SPAG16: variants seen among roughly 807,000 people sequenced by gnomAD.
SPAG16 encodes sperm-associated antigen 16 protein.
Under a neutral mutation model 80.4 loss-of-function variants are expected in SPAG16, and 86 were observed. The ratio of observed to expected loss-of-function variants is 1.07; its 90% CI spans 0.90 to 1.28. SPAG16 has a LOEUF of 1.28. Ranked by LOEUF, SPAG16 falls within the 50% of genes most tolerant of loss-of-function variation. The pLI is 0.00. For missense variants in SPAG16, 870 were observed against 765.3 expected (o/e 1.14, Z -1.61); for synonymous variants, 294 against 265.9 (o/e 1.11, Z -1.03).
At chr2:214,145,821 C>A (rs980977029) in intron 14 of SPAG16, among the ~76,000 whole-genome samples, 1 of 152,132 alleles carries the variant, frequency 6.6e-6, no homozygotes, top group African/African-American at 2.4e-5. Flanking sequence ...ATAGAGTCAA[C>A]GTTGATTACT....
At chr2:213,336,639 C>T (rs1022364127) in intron 5 of SPAG16, among the ~76,000 whole-genome samples, 2 of 152,140 alleles carry the variant, frequency 1.3e-5, no homozygotes, top group Non-Finnish European at 2.9e-5. Flanking sequence ...TAGACTGCTT[C>T]CTTAAGTAGA....
At chr2:213,683,137 A>G (rs990359368) in intron 10 of SPAG16, among the ~76,000 whole-genome samples, 6 of 152,214 alleles carry the variant, frequency 3.9e-5, no homozygotes, top group African/African-American at 1.2e-4. Flanking sequence ...TTTTCTAAGC[A>G]TATAAGTAAA....
chr2:213,688,377 A>G (rs559661775), intron 10 of SPAG16, among the ~76,000 whole-genome samples: 1 of 152,370 alleles, frequency 6.6e-6, no homozygotes, highest in South Asian at 2.1e-4. Context: ...AGCTATGTTA[A>G]TAGAGATTCT....
At chr2:213,493,540 A>G (rs1335196986) in intron 10 of SPAG16, among the ~76,000 whole-genome samples, 4 of 152,134 alleles carry the variant, frequency 2.6e-5, no homozygotes, top group Admixed American at 1.3e-4. Flanking sequence ...AGCCTAGAAC[A>G]TGTCTTTCAG....
intron 7 of SPAG16, among the ~76,000 whole-genome samples, chr2:213,352,400 G>T (rs1291916957): frequency 6.6e-6 from 1 of 152,004 alleles, no homozygotes; most frequent in Non-Finnish European, 1.5e-5. Flanking sequence ...GAGGTATTAG[G>T]AGCTAGATTC....
chr2:213,897,913 T>C (rs1050126652), intron 11 of SPAG16, among the ~76,000 whole-genome samples: 2 of 152,176 alleles, frequency 1.3e-5, no homozygotes, highest in Admixed American at 1.3e-4. Context: ...TTTCCTATCT[T>C]TGGGTTACTT....
chr2:213,297,163 T>C, intron 2 of SPAG16, 99 bp from the exon 3 acceptor site: 1 of 1,489,640 alleles, frequency 6.7e-7, no homozygotes, highest in South Asian at 1.2e-5. Context: ...AGTATTTCTT[T>C]GATCCTTTGA....
chr2:213,408,191 T>C (rs1414624527), intron 9 of SPAG16, among the ~76,000 whole-genome samples: 1 of 152,200 alleles, frequency 6.6e-6, no homozygotes, highest in Non-Finnish European at 1.5e-5. Flanking sequence ...TAATTGATAA[T>C]TGAAGGTCTT....
intron 12 of SPAG16, among the ~76,000 whole-genome samples, chr2:213,981,167 C>G (rs1008128206): frequency 6.6e-6 from 1 of 152,026 alleles, no homozygotes. Context: ...AGTGAGAGAG[C>G]CTTCGGGTTT....
At chr2:213,679,250 G>A (rs1214209904) in intron 10 of SPAG16, among the ~76,000 whole-genome samples, 1 of 152,152 alleles carries the variant, frequency 6.6e-6, no homozygotes, top group Non-Finnish European at 1.5e-5. Context: ...GCTTTGACTG[G>A]AAACCTGAGA....
chr2:213,447,407 G>T (rs533796391), intron 9 of SPAG16, among the ~76,000 whole-genome samples: 1 of 152,184 alleles, frequency 6.6e-6, no homozygotes, highest in African/African-American at 2.4e-5. Context: ...TTTTCTGTCT[G>T]TTATCCCCAG....
At chr2:213,844,118 G>T (rs1183150733) in intron 10 of SPAG16, among the ~76,000 whole-genome samples, 1 of 152,126 alleles carries the variant, frequency 6.6e-6, no homozygotes, top group Non-Finnish European at 1.5e-5. Context: ...ATTGTCAGAG[G>T]ACAGAGGGTT....
intron 7 of SPAG16, among the ~76,000 whole-genome samples, chr2:213,352,561 A>G (rs1316330087): frequency 6.6e-6 from 1 of 152,222 alleles, no homozygotes; most frequent in Non-Finnish European, 1.5e-5. Flanking sequence ...TTTAGTGGAA[A>G]GAGCTAAGAA....
intron 13 of SPAG16, among the ~76,000 whole-genome samples, chr2:214,077,707 A>G (rs1175811290): frequency 6.6e-6 from 1 of 152,228 alleles, no homozygotes; most frequent in Non-Finnish European, 1.5e-5. Context: ...TGCAGCTGCC[A>G]AAATATCCAG....
At chr2:213,821,022 T>TA (rs1256773007) in intron 10 of SPAG16, among the ~76,000 whole-genome samples, 1 of 152,136 alleles carries the variant, frequency 6.6e-6, no homozygotes, top group Non-Finnish European at 1.5e-5. Context: ...TTTTCCTCCT[T>TA]AAAATTCCTG....
chr2:213,913,606 T>TATG (rs1234151754), intron 11 of SPAG16, among the ~76,000 whole-genome samples: 7 of 8,956 alleles, frequency 7.8e-4, no homozygotes, highest in Non-Finnish European at 2.0e-3. Context: ...TATATGTACA[T>TATG]GTACATATAT....
chr2:213,304,253 C>G (rs2062853608), intron 3 of SPAG16, among the ~76,000 whole-genome samples: 2 of 151,924 alleles, frequency 1.3e-5, no homozygotes, highest in South Asian at 4.1e-4. Flanking sequence ...GTTGTTTGAG[C>G]TCCTTATATA....
At chr2:213,433,265 C>T (rs867141885) in intron 9 of SPAG16, among the ~76,000 whole-genome samples, 4 of 151,900 alleles carry the variant, frequency 2.6e-5, no homozygotes, top group South Asian at 2.1e-4. Context: ...AACAATCAGA[C>T]GAGAAAGAAT....
intron 10 of SPAG16, among the ~76,000 whole-genome samples, chr2:213,699,358 A>G (rs749299749): frequency 6.6e-6 from 1 of 152,216 alleles, no homozygotes; most frequent in Middle Eastern, 3.4e-3. Context: ...CTTAGTTTTC[A>G]TAGTTACTGT....
Sources: allele counts gnomAD v4.1 joint callset (sites outside exome capture counted in the v4.1 genomes callset), GRCh38; gene constraint gnomAD v4.1.1; transcripts MANE v1.5; gene names NCBI Gene and HGNC (gene_info 2026-07-23, HGNC 2026-07-21).